The following SKA3 variants were observed in gnomAD, a reference collection of about 807,000 sequenced individuals.
SKA3 encodes spindle and kinetochore-associated protein 3.
SKA3 carries 39 observed loss-of-function variants against 44.2 expected under a neutral mutation model. The observed-to-expected ratio is 0.88, with a 90% CI of 0.68 to 1.15. The LOEUF is 1.15. SKA3 is among the 50% of genes most tolerant of loss of function. The pLI is 0.00. For synonymous variants in SKA3, 192 were observed against 172.0 expected, an observed-to-expected ratio of 1.12 and a Z score of -0.91; for missense variants, 511 against 485.8, an observed-to-expected ratio of 1.05 and a Z score of -0.49.
Position 21,160,127 on chromosome 13 carries a change from A to G in SKA3, c.830-140T>C, listed in dbSNP as rs1254834769. The G allele has an allele frequency of 1.2e-5, 6 of 512,826 alleles. No individual in the cohort carries two copies. The East Asian group carries it at 1.7e-4, about 14-fold the overall frequency. The allele number at this position is 512,826 out of a possible 1,614,324, so 31.8% of individuals were successfully genotyped here. On this transcript the variant is annotated intron_variant, in intron 5 of 8. Coordinates refer to ENST00000314759, the MANE Select transcript of SKA3 (RefSeq NM_145061.6). Reference sequence around the variant, plus strand: ...CAAGGATGCAAGAGTAATACACAATAACAAATAGTTGTGTTGTAATATATA... The same window carrying G: ...CAAGGATGCAAGAGTAATACACAATGACAAATAGTTGTGTTGTAATATATA...
chr13:21,156,294 T>C (rs1458396046), intron 7 of SKA3, among the ~76,000 whole-genome samples: 1 of 152,028 alleles, frequency 6.6e-6, no homozygotes, highest in Non-Finnish European at 1.5e-5. Flanking sequence ...GTATTCTGAC[T>C]GAGGTTAGTG....
intron 3 of SKA3, among the ~76,000 whole-genome samples, chr13:21,171,211 G>A (rs890888519): frequency 5.3e-5 from 8 of 152,128 alleles, no homozygotes; most frequent in African/African-American, 1.4e-4. Flanking sequence ...CACTGTGCCC[G>A]TCTCACATGG....
At chr13:21,160,037 T>A in intron 5 of SKA3, 50 bp from the exon 6 acceptor site, 1 of 1,164,442 alleles carries the variant, frequency 8.6e-7, no homozygotes, top group Non-Finnish European at 1.1e-6. Context: ...ATAGTATGCT[T>A]AACTGGACAG....
intron 1 of SKA3, among the ~76,000 whole-genome samples, chr13:21,175,518 C>T (rs1871446696): frequency 6.6e-6 from 1 of 152,064 alleles, no homozygotes; most frequent in Non-Finnish European, 1.5e-5. Context: ...CCTTGTGATC[C>T]GCCCGCCTCA....
chr13:21,157,900 A>AAAT, intron 7 of SKA3, 22 bp downstream of exon 7: 1 of 1,465,464 alleles, frequency 6.8e-7, no homozygotes, highest in East Asian at 2.4e-5. Flanking sequence ...AAAAAAAAAA[A>AAAT]AAAATAGCCT....
intron 6 of SKA3, among the ~76,000 whole-genome samples, chr13:21,158,615 C>G (rs956416430): frequency 6.6e-6 from 1 of 151,920 alleles, no homozygotes; most frequent in African/African-American, 2.4e-5. Flanking sequence ...AGTGAGACTC[C>G]GTCACAAACA....
At position 21,155,761 on chromosome 13, in the gene SKA3, T is replaced by C. The variant is rs1364654264; in HGVS notation, c.1170A>G (p.Ala390=). 6.2e-7 allele frequency: 1 copy of C among 1,611,772 alleles called. No homozygotes were observed. Among genetic ancestry groups the C allele is most frequent in the Non-Finnish European group, 8.5e-7 (1 of 1,178,148 alleles). ...TAAGGAACCTTTTACTGGGTGGCAC[T>C]GCTTTAATTGCTATTGGAGTAGCTA... ...SNLATPIAIK[A]VPPSKRFLKH... The change falls in exon 8 of 9, where the codon GCA becomes GCG. Residue 390 remains alanine (A), a synonymous_variant. Transcript: ENST00000314759.
Position 21,176,479 on chromosome 13 carries a change from C to G in SKA3, c.-2G>C, listed in dbSNP as rs1283165774. ...GCAGAAGCTCCGGATAGGGTCCATG[C>G]TGAGCACAGCGGGGAAGGACTCCAG... On this transcript the variant is annotated 5_prime_UTR_variant, in exon 1 of 9. Coordinates refer to ENST00000314759, the MANE Select transcript of SKA3 (RefSeq NM_145061.6). 1 of 1,535,824 alleles carries G rather than the reference C, an allele frequency of 6.5e-7. No homozygotes were observed. The highest frequency in any genetic ancestry group is 2.4e-5 in the East Asian group (1 of 41,832).
Position 21,154,803 on chromosome 13 carries a change from G to T in SKA3, c.*347C>A, listed in dbSNP as rs540460887. The T allele has an allele frequency of 1.9e-4, 71 of 382,054 alleles. No individual in the cohort carries two copies. The East Asian group carries it at 3.0e-3, about 16-fold the overall frequency. 23.7% of individuals were successfully genotyped at this position (382,054 alleles called of 1,614,324 possible). A position where few individuals can be genotyped will look rare whatever the true frequency, so the allele number is the denominator to read the frequency against. On this transcript the variant is annotated 3_prime_UTR_variant, in exon 9 of 9. Coordinates refer to ENST00000314759, the MANE Select transcript of SKA3 (RefSeq NM_145061.6). The stretch of plus-strand genomic sequence containing the variant: ...ATGTCTCTCTGGCCAGAAGGTCAGG[G>T]GCGGCCTCATCTGAGTAGCAAACAC...
chr13:21,175,066 T>TC (rs1401870331), intron 1 of SKA3, among the ~76,000 whole-genome samples: 1 of 151,910 alleles, frequency 6.6e-6, no homozygotes, highest in Admixed American at 6.6e-5. Flanking sequence ...AACCTCCGCT[T>TC]CCAGGGTTCA....
At position 21,154,475 on chromosome 13, in the gene SKA3, CCA is replaced by C. The variant is rs1428162457; in HGVS notation, c.*673_*674del. On this transcript the variant is annotated 3_prime_UTR_variant, in exon 9 of 9. Coordinates refer to ENST00000314759, the MANE Select transcript of SKA3 (RefSeq NM_145061.6). Reference sequence around the variant, plus strand: ...AGAGTGGAGCGTGAGAGGTCAGCTGCCATGTGATAGAAAGAGCTGACATAAGA... The same window carrying C: ...AGAGTGGAGCGTGAGAGGTCAGCTGCTGTGATAGAAAGAGCTGACATAAGA... The C allele has an allele frequency of 6.5e-6, 1 of 153,014 alleles. No homozygotes were observed. Among genetic ancestry groups the C allele is most frequent in the Non-Finnish European group, 1.5e-5 (1 of 68,690 alleles). The allele number at this position is 153,014 out of a possible 1,614,324, so 9.5% of individuals were successfully genotyped here.
At chr13:21,157,847 A>G (rs1277743816) in intron 7 of SKA3, 75 bp downstream of exon 7, 6 of 1,037,670 alleles carry the variant, frequency 5.8e-6, no homozygotes, top group Non-Finnish European at 8.4e-6. Flanking sequence ...GTTTATATGC[A>G]GTTTCAGGTC....
intron 3 of SKA3, among the ~76,000 whole-genome samples, chr13:21,170,241 G>A (rs922515244): frequency 6.7e-6 from 1 of 149,542 alleles, no homozygotes; most frequent in African/African-American, 2.5e-5. Context: ...GTGTGGTGGT[G>A]CAATCTCAGC....
chr13:21,159,179 C>T (rs1870298929), intron 6 of SKA3, among the ~76,000 whole-genome samples: 1 of 152,176 alleles, frequency 6.6e-6, no homozygotes, highest in Non-Finnish European at 1.5e-5. Context: ...CCATATTGGA[C>T]AGTGCAGACT....
At chr13:21,169,291 C>A (rs544349554) in intron 3 of SKA3, among the ~76,000 whole-genome samples, 2 of 151,812 alleles carry the variant, frequency 1.3e-5, no homozygotes, top group East Asian at 3.9e-4. Flanking sequence ...GGCTGGAGTG[C>A]AGTGGCAATC....
intron 4 of SKA3, among the ~76,000 whole-genome samples, chr13:21,163,924 C>T (rs534101276): frequency 1.3e-5 from 2 of 152,168 alleles, no homozygotes; most frequent in South Asian, 2.1e-4. Context: ...TCACCACGCC[C>T]GGCTAATTTG....
chr13:21,165,365 T>C (rs1469318244), intron 4 of SKA3, among the ~76,000 whole-genome samples: 1 of 151,910 alleles, frequency 6.6e-6, no homozygotes, highest in East Asian at 1.9e-4. Context: ...GAAGCTGCAG[T>C]GAGCTATGAT....
chr13:21,157,510 G>C (rs1870175212), intron 7 of SKA3, among the ~76,000 whole-genome samples: 1 of 152,154 alleles, frequency 6.6e-6, no homozygotes, highest in Non-Finnish European at 1.5e-5. Flanking sequence ...ATAATCTTAT[G>C]ACTGCTGTGG....
At chr13:21,167,936 A>AC in intron 4 of SKA3, 52 bp downstream of exon 4, 4 of 1,392,436 alleles carry the variant, frequency 2.9e-6, no homozygotes, top group Non-Finnish European at 3.8e-6. Context: ...ATCAATAAAT[A>AC]CAAAAGGTTT....
Sources: gnomAD v4.1 joint callset for allele counts (sites outside exome capture counted in the v4.1 genomes callset) on GRCh38, gnomAD v4.1.1 for gene constraint, MANE v1.5 for transcripts, NCBI Gene and HGNC (gene_info 2026-07-23, HGNC 2026-07-21) for gene names.